Variants in MDM1 observed in about 807,000 individuals in gnomAD.
MDM1 encodes the protein stabilizer of axonemal microtubules 6.
MDM1 carries 61 observed loss-of-function variants against 89.1 expected under a neutral mutation model. The observed-to-expected ratio is 0.68, with a 90% CI of 0.56 to 0.85. The LOEUF (loss-of-function observed/expected upper bound fraction) is 0.85, where lower values mean the gene tolerates loss of function less well. MDM1 is among the 40% of genes least tolerant of loss of function. The pLI, the probability that MDM1 is intolerant of heterozygous loss-of-function variation, is 0.00. For missense variants in MDM1, 820 were observed against 846.5 expected (o/e 0.97, Z 0.39); for synonymous variants, 290 against 294.1 (o/e 0.99, Z 0.14).
chr12:68,309,897 C>A (rs2120905093), intron 12 of MDM1, among the ~76,000 whole-genome samples: 1 of 152,316 alleles, frequency 6.6e-6, no homozygotes, highest in South Asian at 2.1e-4. Flanking sequence ...CCTGGTAGTG[C>A]TGGTCGCAGA....
At chr12:68,319,792 G>A (rs550691573) in intron 7 of MDM1, among the ~76,000 whole-genome samples, 1 of 152,222 alleles carries the variant, frequency 6.6e-6, no homozygotes, top group East Asian at 1.9e-4. Context: ...AAAAAAAGCT[G>A]CATTACCAAG....
At chr12:68,306,309 A>C (rs1872882790) in intron 12 of MDM1, among the ~76,000 whole-genome samples, 1 of 151,982 alleles carries the variant, frequency 6.6e-6, no homozygotes, top group African/African-American at 2.4e-5. Flanking sequence ...CAAAGTACAA[A>C]AATCCTAGAA....
At chr12:68,305,051 T>C (rs960955220) in intron 12 of MDM1, among the ~76,000 whole-genome samples, 7 of 152,246 alleles carry the variant, frequency 4.6e-5, no homozygotes, top group African/African-American at 1.7e-4. Flanking sequence ...GTTGTGTCCT[T>C]GCCAGATTTT....
chr12:68,312,613 T>C (rs143984284), intron 12 of MDM1, among the ~76,000 whole-genome samples: 87 of 152,276 alleles, frequency 5.7e-4, no homozygotes, highest in African/African-American at 2.0e-3. Flanking sequence ...CAGAAAGACC[T>C]TGGAAAAAAA....
At chr12:68,303,327 CA>C (rs1347507182) in intron 12 of MDM1, among the ~76,000 whole-genome samples, 4 of 152,018 alleles carry the variant, frequency 2.6e-5, no homozygotes, top group African/African-American at 9.7e-5. Flanking sequence ...TACCAAATTT[CA>C]AAAATTAATT....
At chr12:68,328,647 G>T (rs1238318836) in intron 2 of MDM1, among the ~76,000 whole-genome samples, 2 of 152,056 alleles carry the variant, frequency 1.3e-5, no homozygotes, top group Non-Finnish European at 2.9e-5. Context: ...AAGCAAAAAA[G>T]CTTGAAGATC....
intron 7 of MDM1, among the ~76,000 whole-genome samples, chr12:68,320,586 T>C (rs1282334258): frequency 2.0e-5 from 3 of 152,318 alleles, no homozygotes; most frequent in South Asian, 2.1e-4. Context: ...TTTTAAGTAA[T>C]GAGCTAAATA....
At chr12:68,324,794 T>G (rs891952303) in intron 4 of MDM1, among the ~76,000 whole-genome samples, 2 of 152,142 alleles carry the variant, frequency 1.3e-5, no homozygotes, top group Admixed American at 6.5e-5. Flanking sequence ...AGAACATAAA[T>G]GAGAGTTTAA....
chr12:68,307,404 GA>G (rs1369503710), intron 12 of MDM1, among the ~76,000 whole-genome samples: 1 of 152,116 alleles, frequency 6.6e-6, no homozygotes, highest in Non-Finnish European at 1.5e-5. Context: ...GGGAGGCCAA[GA>G]AGGGAGGACT....
Position 68,308,218 on chromosome 12 carries a change from C to A in MDM1, c.1749+5225G>T, listed in dbSNP as rs573638893. Among the ~76,000 whole-genome samples, 135 of 151,756 alleles carry A rather than the reference C, an allele frequency of 8.9e-4. 1 individual carries two copies. Among genetic ancestry groups the A allele is most frequent in the South Asian group, 5.2e-3 (25 of 4,788 alleles). ...TCAGCTCACTGCAACCTCCGCCTCC[C>A]GGATTCAGGCAATTCTCATGCCTCA... On this transcript the variant is annotated intron_variant, in intron 12 of 14. Coordinates refer to ENST00000682720, the MANE Select transcript of MDM1 (RefSeq NM_001354969.2).
intron 9 of MDM1, 46 bp downstream of exon 9, chr12:68,316,032 A>G (rs375877187): frequency 3.3e-6 from 5 of 1,538,382 alleles, no homozygotes; most frequent in African/African-American, 2.8e-5. Context: ...TATGATCTAC[A>G]TAAGCTTCAA....
chr12:68,295,086 A>G lies in MDM1; in HGVS notation c.*168T>C. 2 of 438,964 alleles carry G rather than the reference A, an allele frequency of 4.6e-6. No individual in the cohort carries two copies. Among genetic ancestry groups the G allele is most frequent in the South Asian group, 6.7e-5 (2 of 29,890 alleles). 27.2% of individuals were successfully genotyped at this position (438,964 alleles called of 1,614,324 possible). A position where few individuals can be genotyped will look rare whatever the true frequency, so the allele number is the denominator to read the frequency against. On this transcript the variant is annotated 3_prime_UTR_variant, in exon 15 of 15. Transcript: ENST00000682720. Reference sequence around the variant, plus strand: ...GTAAAAAGAATTCTTTAAAAGTTAAATTTGTATAAGCCTATGTTAACAATT... The same window carrying G: ...GTAAAAAGAATTCTTTAAAAGTTAAGTTTGTATAAGCCTATGTTAACAATT...
chr12:68,302,069 T>C (rs1278565906), intron 13 of MDM1, among the ~76,000 whole-genome samples: 19 of 151,862 alleles, frequency 1.3e-4, no homozygotes, highest in Admixed American at 9.8e-4. Flanking sequence ...ACCAGCAAAA[T>C]GAATAAAAAA....
In MDM1 at chr12:68,330,443, T is replaced by C. The variant is rs1260183320; in HGVS notation, c.133+664A>G. Among the ~76,000 whole-genome samples, 5 of 152,252 alleles carry C rather than the reference T, an allele frequency of 3.3e-5. No homozygotes were observed. The East Asian group carries it at 9.6e-4, about 29-fold the overall frequency. On this transcript the variant is annotated intron_variant, in intron 2 of 14. Coordinates refer to ENST00000682720, the MANE Select transcript of MDM1 (RefSeq NM_001354969.2). Reference sequence around the variant, plus strand: ...ATACCTTCTAAGCTATATGTCTACGTGTAAGTGTGCATTCATCTAAGGATA... The same window carrying C: ...ATACCTTCTAAGCTATATGTCTACGCGTAAGTGTGCATTCATCTAAGGATA...
At chr12:68,328,079 C>T (rs1243011589) in intron 2 of MDM1, among the ~76,000 whole-genome samples, 1 of 152,188 alleles carries the variant, frequency 6.6e-6, no homozygotes, top group Non-Finnish European at 1.5e-5. Context: ...CACCTCTTAA[C>T]CAGCCTGAAA....
chr12:68,326,998 T>C lies in MDM1; in HGVS notation c.157A>G (p.Ile53Val), dbSNP rs1405330978. 16 of 1,599,074 alleles carry C rather than the reference T, an allele frequency of 1.0e-5. No homozygotes were observed. The South Asian group carries it at 1.8e-4, about 18-fold the overall frequency. ...QLGITKEPSF[I>V]SKRRVPYHDP... ...TGGTAAGGGACTCTTCTTTTTGAAA[T>C]AAAACTTGGCTCTTTCGTGATGCCT... The change falls in exon 3 of 15, where the codon ATT becomes GTT. Residue 53 changes from isoleucine (I) to valine (V), a missense_variant. Coordinates refer to ENST00000682720, the MANE Select transcript of MDM1 (RefSeq NM_001354969.2).
intron 12 of MDM1, among the ~76,000 whole-genome samples, chr12:68,303,809 A>G (rs1290994871): frequency 1.3e-5 from 2 of 152,248 alleles, no homozygotes; most frequent in Non-Finnish European, 2.9e-5. Context: ...AAATACCTCA[A>G]AAATTTAACA....
At chr12:68,312,737 T>TATA (rs1441229262) in intron 12 of MDM1, among the ~76,000 whole-genome samples, 1 of 152,164 alleles carries the variant, frequency 6.6e-6, no homozygotes, top group Admixed American at 6.5e-5. Context: ...AGCACCCCAT[T>TATA]ATGTCTCTGA....
chr12:68,322,386 A>T (rs966115556), intron 5 of MDM1, among the ~76,000 whole-genome samples: 6 of 152,200 alleles, frequency 3.9e-5, no homozygotes, highest in Non-Finnish European at 5.9e-5. Flanking sequence ...TAATCCCAGC[A>T]CTTCAGGAGG....
Sources: allele counts gnomAD v4.1 joint callset (sites outside exome capture counted in the v4.1 genomes callset), GRCh38; gene constraint gnomAD v4.1.1; transcripts MANE v1.5; gene names NCBI Gene and HGNC (gene_info 2026-07-23, HGNC 2026-07-21).